The following PPARD variants were observed in gnomAD, a reference collection of about 807,000 sequenced individuals.
PPARD encodes peroxisome proliferator-activated receptor delta.
PPARD carries 6 observed loss-of-function variants against 39.5 expected under a neutral mutation model. The ratio of observed to expected loss-of-function variants is 0.15; its 90% CI spans 0.08 to 0.30. The LOEUF is 0.30. Ranked by LOEUF, PPARD falls within the 10% of genes least tolerant of loss-of-function variation. PPARD has a pLI of 1.00. For missense variants in PPARD, 397 were observed against 596.8 expected, an observed-to-expected ratio of 0.67 and a Z score of 3.49; for synonymous variants, 210 against 231.3, an observed-to-expected ratio of 0.91 and a Z score of 0.83.
At chr6:35,422,852 GTGAGGATTCTTATTTAAT>G (rs1766269497) in intron 5 of PPARD, among the ~76,000 whole-genome samples, 1 of 152,050 alleles carries the variant, frequency 6.6e-6, no homozygotes, top group African/African-American at 2.4e-5. Context: ...TGCTTACTAT[GTGAGGATTCTTATTTAAT>G]TGATCTAATA....
At chr6:35,343,081 C>G (rs1791952322) in intron 1 of PPARD, among the ~76,000 whole-genome samples, 1 of 152,178 alleles carries the variant, frequency 6.6e-6, no homozygotes, top group South Asian at 2.1e-4. Context: ...TCTTCCTTCA[C>G]CCGTTTCTGG....
intron 2 of PPARD, among the ~76,000 whole-genome samples, chr6:35,367,421 C>T (rs1299272642): frequency 6.6e-6 from 1 of 152,184 alleles, no homozygotes; most frequent in African/African-American, 2.4e-5. Context: ...GCGCTTCAGA[C>T]TTTCACAGCC....
intron 2 of PPARD, among the ~76,000 whole-genome samples, chr6:35,406,050 C>T (rs1247253719): frequency 6.6e-6 from 1 of 152,070 alleles, no homozygotes; most frequent in African/African-American, 2.4e-5. Context: ...CCTCAGCCTC[C>T]GAGTAGCTGG....
chr6:35,407,553 C>T (rs1023776230), intron 2 of PPARD, among the ~76,000 whole-genome samples: 3 of 151,982 alleles, frequency 2.0e-5, no homozygotes, highest in Non-Finnish European at 4.4e-5. Flanking sequence ...GATAATGGCA[C>T]CTAATGCTAA....
intron 1 of PPARD, among the ~76,000 whole-genome samples, chr6:35,345,571 G>C (rs13362808): frequency 0.18 from 28,011 of 152,106 alleles, 5,919 homozygotes; most frequent in African/African-American, 0.52. Context: ...GCTCGTTCAG[G>C]TGCCTTTCTC....
At chr6:35,378,109 G>A (rs1449215095) in intron 2 of PPARD, among the ~76,000 whole-genome samples, 9 of 151,902 alleles carry the variant, frequency 5.9e-5, no homozygotes, top group African/African-American at 1.9e-4. Flanking sequence ...TGATCCGCCC[G>A]CCTCGGCCTC....
rs9658163 is a variant in PPARD, at chr6:35,424,490, C to T, written c.789C>T (p.Phe263=). Residue 263 remains phenylalanine (F), a synonymous_variant, in exon 7 of 8, where the codon TTC becomes TTT. Coordinates refer to ENST00000360694, the MANE Select transcript of PPARD (RefSeq NM_006238.5). The surrounding 1 kb of genome is among the most constrained non-coding windows in gnomAD (Gnocchi z 7.1). ...TVETVRELTE[F]AKSIPSFSSL... is the part of the protein sequence containing the mutation. ...AGACCGTGCGGGAGCTCACTGAGTT[C>T]GCCAAGAGCATCCCCAGCTTCAGCA... is the stretch of plus-strand genomic sequence containing the variant. The T allele has an allele frequency of 1.0e-3, 1,660 of 1,614,192 alleles. 23 individuals carry two copies. In the South Asian group the frequency reaches 0.013, roughly 13 times the overall value.
chr6:35,420,318 C>T, intron 4 of PPARD, 37 bp downstream of exon 4: 3 of 1,522,898 alleles, frequency 2.0e-6, no homozygotes, highest in Non-Finnish European at 2.6e-6. Context: ...GCCACTGAGG[C>T]TGTGGTCACA....
chr6:35,388,298 C>T (rs1437448882), intron 2 of PPARD, among the ~76,000 whole-genome samples: 1 of 152,168 alleles, frequency 6.6e-6, no homozygotes, highest in Non-Finnish European at 1.5e-5. Context: ...GCACACATAT[C>T]CACTCAGAGA....
intron 3 of PPARD, among the ~76,000 whole-genome samples, chr6:35,411,918 C>T (rs901037284): frequency 1.3e-5 from 2 of 152,006 alleles, no homozygotes; most frequent in African/African-American, 4.8e-5. Context: ...TGCTGCAGTT[C>T]CCCCTGCTTT....
chr6:35,424,760 G>T lies in PPARD; in HGVS notation c.1059G>T (p.Ala353=). ...LDDSDLALFI[A]AIILCGDRPG... The stretch of plus-strand genomic sequence containing the variant: ...ACAGTGACCTGGCCCTATTCATTGC[G>T]GCCATCATTCTGTGTGGAGGTGAGT... The change falls in exon 7 of 8, where the codon GCG becomes GCT. Residue 353 remains alanine, a synonymous_variant. Transcript: ENST00000360694. This position sits in a 1 kb window ranked among gnomAD's most constrained non-coding sequence, Gnocchi z 7.1. 2 of 1,614,122 alleles carry T rather than the reference G, an allele frequency of 1.2e-6. No individual in the cohort carries two copies. Among genetic ancestry groups the T allele is most frequent in the Non-Finnish European group, 1.7e-6 (2 of 1,180,012 alleles).
intron 2 of PPARD, among the ~76,000 whole-genome samples, chr6:35,389,410 C>T (rs1763878719): frequency 1.3e-5 from 2 of 152,190 alleles, no homozygotes; most frequent in Admixed American, 1.3e-4. Context: ...CTCCTGGCTT[C>T]AGGCAATTCT....
chr6:35,395,732 T>C (rs1441628430), intron 2 of PPARD, among the ~76,000 whole-genome samples: 4 of 152,160 alleles, frequency 2.6e-5, no homozygotes, highest in Non-Finnish European at 5.9e-5. Flanking sequence ...GCATTAGAGT[T>C]CAGGAATAGT....
chr6:35,350,194 A>G (rs546153986), intron 2 of PPARD, among the ~76,000 whole-genome samples: 4 of 152,128 alleles, frequency 2.6e-5, no homozygotes, highest in African/African-American at 7.2e-5. Context: ...ATTTTCTCTC[A>G]TTCTGTGGGT....
At chr6:35,355,681 G>A (rs1162367061) in intron 2 of PPARD, among the ~76,000 whole-genome samples, 1 of 124,916 alleles carries the variant, frequency 8.0e-6, no homozygotes, top group East Asian at 2.4e-4. Flanking sequence ...GCGTGATCTC[G>A]GCTCACTGCA....
At chr6:35,364,948 A>G (rs932442894) in intron 2 of PPARD, among the ~76,000 whole-genome samples, 1 of 151,500 alleles carries the variant, frequency 6.6e-6, no homozygotes, top group Non-Finnish European at 1.5e-5. Context: ...TGACCTTGTG[A>G]TCCACCCGCC....
chr6:35,345,353 A>G (rs1792107800), intron 1 of PPARD, among the ~76,000 whole-genome samples: 1 of 151,308 alleles, frequency 6.6e-6, no homozygotes. Flanking sequence ...TGGTGCTATC[A>G]TAGTGCACTG....
intron 2 of PPARD, among the ~76,000 whole-genome samples, chr6:35,364,518 G>A (rs535128759): frequency 7.0e-6 from 1 of 143,838 alleles, no homozygotes; most frequent in African/African-American, 2.6e-5. Flanking sequence ...ACTGCAACCT[G>A]AACCTCCCTG....
chr6:35,374,570 A>G (rs1021791916), intron 2 of PPARD, among the ~76,000 whole-genome samples: 9 of 151,310 alleles, frequency 5.9e-5, no homozygotes, highest in Middle Eastern at 6.8e-3. Flanking sequence ...AGGCAGGAGA[A>G]TGGCGTGAAC....
Sources: gnomAD v4.1 joint callset for allele counts (sites outside exome capture counted in the v4.1 genomes callset) on GRCh38, gnomAD v4.1.1 for gene constraint, Gnocchi (gnomAD v3.1) non-coding constraint, MANE v1.5 for transcripts, NCBI Gene and HGNC (gene_info 2026-07-23, HGNC 2026-07-21) for gene names.